Variants in FHIT observed in about 807,000 individuals in gnomAD.
FHIT encodes the protein bis(5'-adenosyl)-triphosphatase.
Under a neutral mutation model 17.9 loss-of-function variants are expected in FHIT, and 19 were observed. The observed-to-expected ratio is 1.06, with a 90% CI of 0.74 to 1.56. The LOEUF (loss-of-function observed/expected upper bound fraction) is 1.56. Among genes scored for constraint, FHIT ranks in the 40% most tolerant of loss-of-function variants. The pLI, the probability that FHIT is intolerant of heterozygous loss-of-function variation, is 0.00. For synonymous variants in FHIT, 81 were observed against 69.7 expected, an observed-to-expected ratio of 1.16 and a Z score of -0.81; for missense variants, 248 against 189.2, an observed-to-expected ratio of 1.31 and a Z score of -1.82.
At chr3:59,973,830 A>T (rs1708291500) in intron 7 of FHIT, among the ~76,000 whole-genome samples, 1 of 152,124 alleles carries the variant, frequency 6.6e-6, no homozygotes, top group Non-Finnish European at 1.5e-5. Flanking sequence ...GAGAGGTTCC[A>T]TAACTAACTG....
intron 4 of FHIT, among the ~76,000 whole-genome samples, chr3:60,750,724 T>A (rs2042449310): frequency 6.6e-6 from 1 of 152,162 alleles, no homozygotes; most frequent in Non-Finnish European, 1.5e-5. Flanking sequence ...GAAAACAGAC[T>A]AATACACCTC....
At chr3:60,224,011 G>A (rs550284363) in intron 5 of FHIT, among the ~76,000 whole-genome samples, 14 of 152,204 alleles carry the variant, frequency 9.2e-5, no homozygotes, top group African/African-American at 3.4e-4. Context: ...AAACTTGTAT[G>A]TTTCCTCCTC....
At chr3:60,214,064 T>G (rs911513677) in intron 5 of FHIT, among the ~76,000 whole-genome samples, 3 of 152,154 alleles carry the variant, frequency 2.0e-5, no homozygotes, top group African/African-American at 7.2e-5. Context: ...TGGTCGTGAC[T>G]AGCGCAATGG....
At chr3:60,149,619 C>G (rs1478271429) in intron 5 of FHIT, among the ~76,000 whole-genome samples, 1 of 152,080 alleles carries the variant, frequency 6.6e-6, no homozygotes, top group Non-Finnish European at 1.5e-5. Context: ...TCTGTTGCCC[C>G]ATAGCCCCTT....
chr3:59,897,989 G>C (rs563125539), intron 8 of FHIT, among the ~76,000 whole-genome samples: 1 of 151,958 alleles, frequency 6.6e-6, no homozygotes, highest in Non-Finnish European at 1.5e-5. Flanking sequence ...GGATGGTCTC[G>C]ATCTCCTGAA....
intron 2 of FHIT, among the ~76,000 whole-genome samples, chr3:61,131,807 T>C (rs532995179): frequency 1.2e-4 from 18 of 152,312 alleles, no homozygotes; most frequent in East Asian, 7.7e-4. Context: ...GGTGCAATAC[T>C]GGATAAGAGC....
intron 5 of FHIT, among the ~76,000 whole-genome samples, chr3:60,435,309 A>G (rs997750765): frequency 1.3e-5 from 2 of 152,176 alleles, no homozygotes; most frequent in Non-Finnish European, 2.9e-5. Context: ...TAAATGACTT[A>G]GTGTTATTGG....
intron 4 of FHIT, among the ~76,000 whole-genome samples, chr3:60,793,748 G>A (rs1156948780): frequency 6.6e-6 from 1 of 152,184 alleles, no homozygotes; most frequent in Non-Finnish European, 1.5e-5. Flanking sequence ...CCAGAGGCAA[G>A]GAAACTGGGC....
At chr3:61,002,367 G>C (rs1231816291) in intron 3 of FHIT, among the ~76,000 whole-genome samples, 1 of 152,142 alleles carries the variant, frequency 6.6e-6, no homozygotes, top group Non-Finnish European at 1.5e-5. Flanking sequence ...GGTTCAAGCA[G>C]TTCTCCCACC....
intron 3 of FHIT, among the ~76,000 whole-genome samples, chr3:61,030,918 G>T (rs951912399): frequency 1.3e-5 from 2 of 152,154 alleles, no homozygotes; most frequent in African/African-American, 2.4e-5. Flanking sequence ...CTGCAGGAGA[G>T]TAAGGGGAGA....
intron 4 of FHIT, among the ~76,000 whole-genome samples, chr3:60,598,734 G>C (rs1364088800): frequency 3.9e-5 from 6 of 152,142 alleles, no homozygotes; most frequent in African/African-American, 1.4e-4. Context: ...CCGCTTCTGA[G>C]TTTGGTGGAT....
At position 60,308,496 on chromosome 3, in the gene FHIT, G is replaced by GTA. The variant is rs5849349; in HGVS notation, c.103+228362_103+228363dup. ...TATAGGTATAGGTATAGGTGTATGT[G>GTA]TATATATATATATATATATATATAT... On this transcript the variant is annotated intron_variant, in intron 5 of 9. Transcript: ENST00000492590. Among the ~76,000 whole-genome samples, 930 of 140,862 alleles carry GTA rather than the reference G, an allele frequency of 6.6e-3. 3 individuals are homozygous for GTA. Among genetic ancestry groups the GTA allele is most frequent in the South Asian group, 0.02 (82 of 4,180 alleles). 92.4% of individuals were successfully genotyped at this position (140,862 alleles called of 152,430 possible). A position where few individuals can be genotyped will look rare whatever the true frequency, so the allele number is the denominator to read the frequency against.
At chr3:60,919,499 GA>G (rs1707169564) in intron 3 of FHIT, among the ~76,000 whole-genome samples, 1 of 151,240 alleles carries the variant, frequency 6.6e-6, no homozygotes, top group East Asian at 1.9e-4. Flanking sequence ...GAAATGCTTA[GA>G]AAGTGTATTC....
At chr3:60,177,257 A>C (rs1198335378) in intron 5 of FHIT, among the ~76,000 whole-genome samples, 3 of 151,292 alleles carry the variant, frequency 2.0e-5, no homozygotes, top group Non-Finnish European at 2.9e-5. Flanking sequence ...TAATACAATA[A>C]GCCAAGGTTA....
chr3:60,170,136 G>A (rs1005668513), intron 5 of FHIT, among the ~76,000 whole-genome samples: 1 of 152,134 alleles, frequency 6.6e-6, no homozygotes, highest in Non-Finnish European at 1.5e-5. Context: ...TCCTGTGCGA[G>A]TTGGTCCAAG....
At chr3:60,066,071 C>A (rs530064557) in intron 5 of FHIT, among the ~76,000 whole-genome samples, 65 of 152,278 alleles carry the variant, frequency 4.3e-4, no homozygotes, top group African/African-American at 1.4e-3. Context: ...TTACATGCAG[C>A]TGAACTCATT....
chr3:60,016,222 C>A (rs1223250250), intron 5 of FHIT, among the ~76,000 whole-genome samples: 1 of 152,190 alleles, frequency 6.6e-6, no homozygotes, highest in East Asian at 1.9e-4. Flanking sequence ...TTATCCAGTA[C>A]ATATCATGTG....
Position 60,380,284 on chromosome 3 carries a change from T to C in FHIT, c.103+156576A>G, listed in dbSNP as rs113725094. On this transcript the variant is annotated intron_variant, in intron 5 of 9. Transcript: ENST00000492590. ...TGGCTGTTTAAAGAAGCTTGTCCCT[T>C]GTCACTCTCACTGCCTCTTGCCATG... Among the ~76,000 whole-genome samples the C allele has an allele frequency of 2.6e-3, 393 of 152,238 alleles. 2 individuals carry two copies. The highest frequency in any genetic ancestry group is 9.1e-3 in the African/African-American group (376 of 41,536).
intron 4 of FHIT, among the ~76,000 whole-genome samples, chr3:60,689,450 A>G (rs1243095911): frequency 6.6e-6 from 1 of 152,202 alleles, no homozygotes; most frequent in Non-Finnish European, 1.5e-5. Context: ...GAGATAATTT[A>G]AAGTAGTCTG....
Sources: allele counts gnomAD v4.1 joint callset (sites outside exome capture counted in the v4.1 genomes callset), GRCh38; gene constraint gnomAD v4.1.1; transcripts MANE v1.5; gene names NCBI Gene and HGNC (gene_info 2026-07-23, HGNC 2026-07-21).